The following PMS1 variants were observed in gnomAD, a reference collection of about 807,000 sequenced individuals.
PMS1 encodes PMS1 protein homolog 1.
Under a neutral mutation model 93.1 loss-of-function variants are expected in PMS1, and 79 were observed. That is an observed-to-expected ratio of 0.85 (90% CI 0.71 to 1.02). PMS1 has a LOEUF of 1.02. Ranked by LOEUF, PMS1 falls within the 50% of genes least tolerant of loss-of-function variation. PMS1 has a pLI of 0.00. For synonymous variants in PMS1, 335 were observed against 363.4 expected, an observed-to-expected ratio of 0.92 and a Z score of 0.89; for missense variants, 1,064 against 1,085.3, an observed-to-expected ratio of 0.98 and a Z score of 0.28.
chr2:189,849,006 C>T (rs926355588), intron 6 of PMS1, among the ~76,000 whole-genome samples: 3 of 152,198 alleles, frequency 2.0e-5, no homozygotes, highest in Non-Finnish European at 4.4e-5. Context: ...CCACCAAGGC[C>T]TCTTGACTAG....
chr2:189,836,292 G>A (rs1457206905), intron 5 of PMS1, among the ~76,000 whole-genome samples: 1 of 152,192 alleles, frequency 6.6e-6, no homozygotes, highest in Non-Finnish European at 1.5e-5. Flanking sequence ...TGGTGTGCAT[G>A]TAATAATATA....
At chr2:189,816,562 C>T (rs2051320458) in intron 4 of PMS1, among the ~76,000 whole-genome samples, 1 of 152,136 alleles carries the variant, frequency 6.6e-6, no homozygotes, top group Non-Finnish European at 1.5e-5. Context: ...TTGAAATCTG[C>T]ACTTAAGCCT....
In PMS1 at chr2:189,864,001, C is replaced by CATTT. The variant is rs761216715; in HGVS notation, c.2115_2116insATTT (p.Leu706IlefsTer7). Reference sequence around the variant, plus strand: ...TACAGATCCCCTTTTCTATGAAAAACTTAAAAATAAATTTTAAGAAACAAA... The same window carrying CATTT: ...TACAGATCCCCTTTTCTATGAAAAACATTTTTAAAAATAAATTTTAAGAAACAAA... On this transcript the variant is annotated frameshift_variant, in exon 10 of 13. Transcript: ENST00000441310. LOFTEE classifies it high-confidence loss of function. The CATTT allele has an allele frequency of 2.5e-6, 4 of 1,608,396 alleles. No individual in the cohort carries two copies. Among genetic ancestry groups the CATTT allele is most frequent in the Non-Finnish European group, 3.4e-6 (4 of 1,176,110 alleles).
rs772231922 is a variant in PMS1 at position 189,864,216 on chromosome 2, T to C, written c.2330T>C (p.Met777Thr). Reference sequence around the variant, plus strand: ...GCAGAGCCACTGGAAAAGCCAATTATGTTAACAGAGAGGTATGATGATACA... The same window carrying C: ...GCAGAGCCACTGGAAAAGCCAATTACGTTAACAGAGAGGTATGATGATACA... ...LPAEPLEKPI[M>T]LTESLFNGSH... is the part of the protein sequence containing the mutation. The change falls in exon 10 of 13, where the codon ATG (methionine) becomes ACG (threonine). Residue 777 changes from methionine to threonine, a missense_variant. Transcript: ENST00000441310. The C allele has an allele frequency of 3.1e-6, 5 of 1,600,182 alleles. No homozygotes were observed. The highest frequency in any genetic ancestry group is 4.3e-6 in the Non-Finnish European group (5 of 1,167,850).
At chr2:189,833,067 G>A (rs1242889697) in intron 5 of PMS1, among the ~76,000 whole-genome samples, 4 of 152,098 alleles carry the variant, frequency 2.6e-5, no homozygotes, top group Non-Finnish European at 5.9e-5. Flanking sequence ...GTTCTAAAAG[G>A]TACGTTTTTA....
chr2:189,853,036 T>C (rs1377563634), intron 7 of PMS1, among the ~76,000 whole-genome samples: 1 of 152,048 alleles, frequency 6.6e-6, no homozygotes, highest in African/African-American at 2.4e-5. Context: ...ATTAGAGAGT[T>C]AGTAGTTTTT....
intron 6 of PMS1, among the ~76,000 whole-genome samples, chr2:189,845,653 T>C (rs1042874425): frequency 2.6e-5 from 4 of 152,174 alleles, no homozygotes; most frequent in African/African-American, 7.2e-5. Flanking sequence ...TCTTCAGATA[T>C]CTTTTTATAG....
At chr2:189,792,968 C>T (rs987073558) in intron 2 of PMS1, among the ~76,000 whole-genome samples, 1 of 151,940 alleles carries the variant, frequency 6.6e-6, no homozygotes, top group African/African-American at 2.4e-5. Context: ...TGTTACCACG[C>T]CTGGCAAATT....
rs759858356 is a variant in PMS1 at position 189,818,057 on chromosome 2, T to C, written c.459T>C (p.Pro153=). The C allele has an allele frequency of 1.9e-6, 3 of 1,608,944 alleles. No individual in the cohort carries two copies. The highest frequency in any genetic ancestry group is 2.6e-6 in the Non-Finnish European group (3 of 1,175,698). ...CTTTAAGATTATTTAAGAATCTACCTGTAAGAAAGCAGTTTTACTCAACTG... is the reference window on the plus strand; with the variant it reads ...CTTTAAGATTATTTAAGAATCTACCCGTAAGAAAGCAGTTTTACTCAACTG... ...VTALRLFKNL[P]VRKQFYSTAK... is the part of the protein sequence containing the mutation. Residue 153 remains proline (P), a synonymous_variant, in exon 5 of 13, where the codon CCT becomes CCC. Coordinates refer to ENST00000441310, the MANE Select transcript of PMS1 (RefSeq NM_000534.5).
At chr2:189,816,580 A>G (rs1233273) in intron 4 of PMS1, among the ~76,000 whole-genome samples, 10,424 of 152,188 alleles carry the variant, frequency 0.068, 709 homozygotes, top group African/African-American at 0.17. Flanking sequence ...CCTTTAACTC[A>G]AAAATTTTCT....
At chr2:189,809,793 T>C (rs891551383) in intron 4 of PMS1, among the ~76,000 whole-genome samples, 7 of 152,084 alleles carry the variant, frequency 4.6e-5, no homozygotes, top group Non-Finnish European at 8.8e-5. Flanking sequence ...GATTGTGCCA[T>C]TGCACTCCAG....
intron 9 of PMS1, among the ~76,000 whole-genome samples, chr2:189,855,458 T>G (rs2055215662): frequency 1.3e-5 from 2 of 151,992 alleles, no homozygotes; most frequent in South Asian, 2.1e-4. Context: ...TGTTTTATGT[T>G]TAATAACTTT....
intron 3 of PMS1, among the ~76,000 whole-genome samples, chr2:189,799,834 T>C (rs1012770774): frequency 2.0e-5 from 3 of 151,626 alleles, no homozygotes; most frequent in Non-Finnish European, 1.5e-5. Flanking sequence ...CTGGTTGAGG[T>C]GTTATAAACG....
Position 189,787,508 on chromosome 2 carries a change from A to G in PMS1, c.-21+2915A>G, listed in dbSNP as rs1333400146. ...ACAATTTAATTAATTTAATCTTTAC[A>G]GTTATCTTACATTGATTATAGGACA... is the stretch of plus-strand genomic sequence containing the variant. On this transcript the variant is annotated intron_variant, in intron 1 of 12. Coordinates refer to ENST00000441310, the MANE Select transcript of PMS1 (RefSeq NM_000534.5). 2.0e-5 allele frequency among the ~76,000 whole-genome samples: 3 copies of G among 152,364 alleles called. 1 individual carries two copies. The highest frequency in any genetic ancestry group is 2.0e-4 in the Admixed American group (3 of 15,306).
intron 10 of PMS1, among the ~76,000 whole-genome samples, chr2:189,866,207 A>G (rs1250220863): frequency 6.6e-6 from 1 of 152,224 alleles, no homozygotes; most frequent in African/African-American, 2.4e-5. Context: ...TGCTTTTCTG[A>G]ATGGCATTTT....
intron 12 of PMS1, 45 bp downstream of exon 12, chr2:189,873,701 A>G (rs569917325): frequency 6.9e-7 from 1 of 1,443,310 alleles, no homozygotes; most frequent in African/African-American, 1.4e-5. Context: ...AGGGGTCCCA[A>G]CTCCCGGGCC....
chr2:189,814,314 C>G (rs536017480), intron 4 of PMS1, among the ~76,000 whole-genome samples: 1 of 151,100 alleles, frequency 6.6e-6, no homozygotes, highest in African/African-American at 2.4e-5. Flanking sequence ...AAGACCCCCC[C>G]CCAAAAAAAA....
chr2:189,791,629 G>T, intron 1 of PMS1, 161 bp from the exon 2 acceptor site: 5 of 528,076 alleles, frequency 9.5e-6, no homozygotes, highest in Middle Eastern at 5.4e-4. Flanking sequence ...AAAAAAAAAA[G>T]AAGAAATAGA....
intron 5 of PMS1, among the ~76,000 whole-genome samples, chr2:189,840,817 A>C (rs900608061): frequency 6.6e-6 from 1 of 152,200 alleles, no homozygotes; most frequent in African/African-American, 2.4e-5. Flanking sequence ...TACTATTCTA[A>C]TGTGCTTTTT....
Sources: allele counts gnomAD v4.1 joint callset (sites outside exome capture counted in the v4.1 genomes callset), GRCh38; gene constraint gnomAD v4.1.1; transcripts MANE v1.5; gene names NCBI Gene and HGNC (gene_info 2026-07-23, HGNC 2026-07-21).